ENPP6: variants seen among roughly 807,000 people sequenced by gnomAD.
ENPP6 encodes ectonucleotide pyrophosphatase/phosphodiesterase 6, also known as glycerophosphocholine cholinephosphodiesterase ENPP6.
A neutral mutation model predicts 42.0 loss-of-function variants in ENPP6; 32 were observed. The ratio of observed to expected loss-of-function variants is 0.76; its 90% confidence interval spans 0.58 to 1.02. The LOEUF is 1.02. Among genes scored for constraint, ENPP6 ranks in the 50% least tolerant of loss-of-function variants. The pLI, the probability that ENPP6 is intolerant of heterozygous loss-of-function variation, is 0.00. For missense variants in ENPP6, 552 were observed against 566.8 expected, an observed-to-expected ratio of 0.97 and a Z score of 0.27; for synonymous variants, 213 against 216.0, an observed-to-expected ratio of 0.99 and a Z score of 0.12.
intron 1 of ENPP6, among the ~76,000 whole-genome samples, chr4:184,154,933 C>T (rs1737133759): frequency 6.6e-6 from 1 of 152,176 alleles, no homozygotes; most frequent in African/African-American, 2.4e-5. Context: ...AGTGCTCTTA[C>T]ATATATAGTC....
chr4:184,145,132 A>T (rs2111371702), intron 2 of ENPP6, among the ~76,000 whole-genome samples: 1 of 152,284 alleles, frequency 6.6e-6, no homozygotes, highest in East Asian at 1.9e-4. Flanking sequence ...TCAAGGAGAG[A>T]CCCTGAAACA....
chr4:184,097,402 G>A (rs767180027), intron 6 of ENPP6, 34 bp from the exon 7 acceptor site: 3 of 1,611,490 alleles, frequency 1.9e-6, no homozygotes, highest in South Asian at 2.2e-5. Flanking sequence ...ATGACACTAC[G>A]TCCTGACCGT....
chr4:184,112,862 A>G (rs79633596), intron 5 of ENPP6, 53 bp from the exon 6 acceptor site: 1 of 1,538,282 alleles, frequency 6.5e-7, no homozygotes, highest in Non-Finnish European at 8.8e-7. Context: ...ATATGTGTGA[A>G]TATTTACTGG....
chr4:184,212,574 TCAAC>T (rs1733129617), intron 1 of ENPP6, among the ~76,000 whole-genome samples: 1 of 150,828 alleles, frequency 6.6e-6, no homozygotes, highest in African/African-American at 2.5e-5. Flanking sequence ...AAACCACTGG[TCAAC>T]GAAATAAAAG....
rs58927070 is a variant in ENPP6 at position 184,131,520 on chromosome 4, A to ATTTTTTT, written c.422-7255_422-7249dup. ...AGGCACCCATCACCATGCCCAGCTAATTTTTTTTTTTTTTTGTATTTTTAG... is the reference window on the plus strand; with the variant it reads ...AGGCACCCATCACCATGCCCAGCTAATTTTTTTTTTTTTTTTTTTTTTGTATTTTTAG... On this transcript the variant is annotated intron_variant, in intron 2 of 7. Coordinates refer to ENST00000296741, the MANE Select transcript of ENPP6 (RefSeq NM_153343.4). 2.1e-3 allele frequency among the ~76,000 whole-genome samples: 291 copies of ATTTTTTT among 136,700 alleles called. 1 individual carries two copies. The highest frequency in any genetic ancestry group is 8.0e-3 in the African/African-American group (283 of 35,550). The allele number at this position is 136,700 out of a possible 152,430, so 89.7% of individuals were successfully genotyped here.
In ENPP6 at chr4:184,131,224, T is replaced by TTC. The variant is rs1459906193; in HGVS notation, c.422-6954_422-6953dup. 9.2e-5 allele frequency among the ~76,000 whole-genome samples: 8 copies of TTC among 87,220 alleles called. No homozygotes were observed. In the South Asian group the frequency reaches 1.2e-3, roughly 13 times the overall value. 57.2% of individuals were successfully genotyped at this position (87,220 alleles called of 152,430 possible). ...TTCTTCTTTCTTTCTTTCTTTTTCT[T>TTC]TCTTTCTTTCCTTTTCTTTCTTTCT... On this transcript the variant is annotated intron_variant, in intron 2 of 7. Transcript: ENST00000296741.
rs373337856 is a variant in ENPP6, at chr4:184,165,325, A to G, written c.242-11592T>C. On this transcript the variant is annotated intron_variant, in intron 1 of 7. Transcript: ENST00000296741. ...ACCTCCATTTTGCTGATGCTTAAGAACTAAGATTCAAAGTGGCTGAGTGAG... is the reference window on the plus strand; with the variant it reads ...ACCTCCATTTTGCTGATGCTTAAGAGCTAAGATTCAAAGTGGCTGAGTGAG... Among the ~76,000 whole-genome samples, 11 of 152,354 alleles carry G rather than the reference A, an allele frequency of 7.2e-5. 1 individual carries two copies. In the East Asian group the frequency reaches 2.1e-3, roughly 29 times the overall value.
chr4:184,133,423 TCA>T (rs1333295337), intron 2 of ENPP6, among the ~76,000 whole-genome samples: 2 of 152,224 alleles, frequency 1.3e-5, no homozygotes, highest in African/African-American at 2.4e-5. Context: ...TAATTTTTTC[TCA>T]GTTTTCTGTT....
chr4:184,170,631 G>A (rs1248702549), intron 1 of ENPP6, among the ~76,000 whole-genome samples: 1 of 152,120 alleles, frequency 6.6e-6, no homozygotes, highest in Non-Finnish European at 1.5e-5. Context: ...TATCCTCGTG[G>A]TGCCATTAGC....
chr4:184,194,059 C>T (rs555206630), intron 1 of ENPP6, among the ~76,000 whole-genome samples: 37 of 152,274 alleles, frequency 2.4e-4, no homozygotes, highest in African/African-American at 7.7e-4. Context: ...GATACCTCTT[C>T]TTCCACACTG....
intron 4 of ENPP6, among the ~76,000 whole-genome samples, 193 bp from the exon 5 acceptor site, chr4:184,117,228 A>G (rs1290232822): frequency 6.6e-6 from 1 of 152,202 alleles, no homozygotes; most frequent in Non-Finnish European, 1.5e-5. Context: ...TGTGAGGCTC[A>G]GTCCCACTCA....
chr4:184,177,287 C>T (rs1225395531), intron 1 of ENPP6, among the ~76,000 whole-genome samples: 3 of 152,212 alleles, frequency 2.0e-5, no homozygotes, highest in Non-Finnish European at 2.9e-5. Flanking sequence ...TTGGACCCAT[C>T]CCTCCTCACC....
intron 1 of ENPP6, among the ~76,000 whole-genome samples, chr4:184,198,842 C>T (rs553496503): frequency 6.6e-6 from 1 of 152,176 alleles, no homozygotes; most frequent in Non-Finnish European, 1.5e-5. Flanking sequence ...ATGTCTGTGT[C>T]CCATCTTGTC....
Position 184,091,255 on chromosome 4 carries a change from C to T in ENPP6, c.1245G>A (p.Lys415=), listed in dbSNP as rs1239336361. ...GSWSRVMCML[K]GRASTAPPVW... ...CAGGCGGGGCAGTGCTGGCGCGGCC[C>T]TTCAGCATGCACATCACCCTGGACC... The change falls in exon 8 of 8, where the codon AAG becomes AAA. Residue 415 remains lysine, a synonymous_variant. Coordinates refer to ENST00000296741, the MANE Select transcript of ENPP6 (RefSeq NM_153343.4). The T allele has an allele frequency of 6.2e-7, 1 of 1,610,048 alleles. No homozygotes were observed. The highest frequency in any genetic ancestry group is 8.5e-7 in the Non-Finnish European group (1 of 1,177,980).
chr4:184,215,286 TC>T (rs1733179613), intron 1 of ENPP6, among the ~76,000 whole-genome samples: 1 of 152,328 alleles, frequency 6.6e-6, no homozygotes, highest in East Asian at 1.9e-4. Flanking sequence ...AAACAGCATA[TC>T]TTTTGCTTCC....
intron 2 of ENPP6, among the ~76,000 whole-genome samples, chr4:184,142,511 G>A (rs1380850472): frequency 6.6e-6 from 1 of 151,008 alleles, no homozygotes; most frequent in African/African-American, 2.4e-5. Context: ...GGGGCTGGGG[G>A]ACGTTTGGCG....
At chr4:184,117,293 A>G (rs1260224279) in intron 4 of ENPP6, among the ~76,000 whole-genome samples, 2 of 152,234 alleles carry the variant, frequency 1.3e-5, no homozygotes, top group Non-Finnish European at 2.9e-5. Context: ...GACGCTCTGC[A>G]TCTTCTCTGG....
rs1461735027 is a variant in ENPP6 at position 184,131,279 on chromosome 4, C to T, written c.422-7007G>A. Among the ~76,000 whole-genome samples the T allele has an allele frequency of 3.7e-4, 38 of 101,486 alleles. 1 individual carries two copies. The highest frequency in any genetic ancestry group is 3.7e-3 in the South Asian group (11 of 2,970). 66.6% of individuals were successfully genotyped at this position (101,486 alleles called of 152,430 possible). ...CTTTCTCTTCCTTCCTTCCTTCCTT[C>T]CTTCCTTCCTTCCTTCCTTCCTTCC... On this transcript the variant is annotated intron_variant, in intron 2 of 7. Coordinates refer to ENST00000296741, the MANE Select transcript of ENPP6 (RefSeq NM_153343.4).
intron 2 of ENPP6, among the ~76,000 whole-genome samples, chr4:184,133,245 A>G (rs888852425): frequency 4.6e-5 from 7 of 152,114 alleles, no homozygotes; most frequent in Non-Finnish European, 8.8e-5. Flanking sequence ...TTCTGAGAAA[A>G]CTGATAAAAT....
Sources: allele counts gnomAD v4.1 joint callset (sites outside exome capture counted in the v4.1 genomes callset), GRCh38; gene constraint gnomAD v4.1.1; transcripts MANE v1.5; gene names NCBI Gene and HGNC (gene_info 2026-07-23, HGNC 2026-07-21).